ALMS1: variants seen among roughly 807,000 people sequenced by gnomAD.
ALMS1 encodes ALMS1 centrosome and basal body associated protein, also known as centrosome-associated protein ALMS1.
Under a neutral mutation model 352.2 loss-of-function variants are expected in ALMS1, and 271 were observed. That is an observed-to-expected ratio of 0.77 (90% CI 0.70 to 0.85). The LOEUF (loss-of-function observed/expected upper bound fraction) is 0.85, where lower values mean the gene tolerates loss of function less well. Among genes scored for constraint, ALMS1 ranks in the 40% least tolerant of loss-of-function variants. ALMS1 has a pLI of 0.00. For synonymous variants in ALMS1, 1,865 were observed against 1,761.2 expected, an observed-to-expected ratio of 1.06 and a Z score of -1.48; for missense variants, 5,445 against 4,870.7, an observed-to-expected ratio of 1.12 and a Z score of -3.51.
chr2:73,542,049 G>A (rs1334151118), intron 12 of ALMS1, among the ~76,000 whole-genome samples: 2 of 152,124 alleles, frequency 1.3e-5, no homozygotes, highest in Non-Finnish European at 2.9e-5. Flanking sequence ...ACCAAAGCCT[G>A]GCAGAGACAC....
chr2:73,401,301 T>A (rs951433738), intron 1 of ALMS1, among the ~76,000 whole-genome samples: 1 of 152,208 alleles, frequency 6.6e-6, no homozygotes, highest in South Asian at 2.1e-4. Context: ...CTTTTTCTAG[T>A]TTCCTAAGTT....
chr2:73,548,403 T>C (rs1279838285), intron 12 of ALMS1, among the ~76,000 whole-genome samples: 3 of 152,196 alleles, frequency 2.0e-5, no homozygotes, highest in Non-Finnish European at 4.4e-5. Context: ...CACACATGTG[T>C]GGCTGCACTC....
intron 1 of ALMS1, among the ~76,000 whole-genome samples, chr2:73,397,321 G>A (rs1325272803): frequency 6.6e-6 from 1 of 151,798 alleles, no homozygotes; most frequent in Non-Finnish European, 1.5e-5. Flanking sequence ...TGGAACAATA[G>A]TTTGCCCTTC....
At position 73,559,063 on chromosome 2, in the gene ALMS1, A is replaced by T; in HGVS notation, c.10305A>T (p.Lys3435Asn). ...NLPDTKAITQKEEIHRKKTVP... is the reference protein window; with the variant it reads ...NLPDTKAITQNEEIHRKKTVP... The stretch of plus-strand genomic sequence containing the variant: ...CAGACACTAAAGCCATTACACAGAA[A>T]GAGGAGATCCATAGGAAGAAGACAG... Residue 3435 changes from lysine (K) to asparagine (N), a missense_variant, in exon 15 of 23, where the codon AAA becomes AAT. By Grantham distance (94) the Lys-to-Asn change is moderately conservative (BLOSUM62 0). Transcript: ENST00000613296. 1 of 1,614,100 alleles carries T rather than the reference A, an allele frequency of 6.2e-7. No homozygotes were observed. The highest frequency in any genetic ancestry group is 8.5e-7 in the Non-Finnish European group (1 of 1,179,986).
intron 12 of ALMS1, 102 bp from the exon 13 acceptor site, chr2:73,550,165 T>C (rs1223875438): frequency 1.6e-6 from 2 of 1,284,454 alleles, no homozygotes; most frequent in Non-Finnish European, 1.1e-6. Flanking sequence ...TGGCCTGTAG[T>C]GCTTTTTTCA....
At chr2:73,608,321 G>T (rs1321824551) in intron 21 of ALMS1, among the ~76,000 whole-genome samples, 154 bp from the exon 22 acceptor site, 2 of 152,136 alleles carry the variant, frequency 1.3e-5, no homozygotes, top group East Asian at 3.9e-4. Flanking sequence ...AGGGTTTTCT[G>T]TGCTGGAGTA....
intron 9 of ALMS1, chr2:73,470,312 A>C (rs1672441537): frequency 6.6e-6 from 1 of 151,710 alleles, no homozygotes; most frequent in Admixed American, 6.6e-5. Flanking sequence ...TCCTTTAAAA[A>C]TAGGCAATTA....
chr2:73,474,371 C>CTGTGTGTGTGTGTGTGTG (rs377039331), intron 9 of ALMS1, among the ~76,000 whole-genome samples: 2 of 95,464 alleles, frequency 2.1e-5, no homozygotes, highest in African/African-American at 6.8e-5. Context: ...CTTGTTGACT[C>CTGTGTGTGTGTGTGTGTG]TGTGTGTGTG....
chr2:73,490,091 T>A lies in ALMS1; in HGVS notation c.8132T>A (p.Phe2711Tyr). The change falls in exon 10 of 23, where the codon TTT becomes TAT. Residue 2711 changes from phenylalanine (F) to tyrosine (Y), a missense_variant. Physicochemically the swap from Phe to Tyr is conservative, Grantham distance 22. Coordinates refer to ENST00000613296, the MANE Select transcript of ALMS1 (RefSeq NM_001378454.1). ...CCGTCCCCAGAACCCATGAAAAAGT[T>A]TACTACCTCCATCACTTTTTCATCT... ...QMPSPEPMKKFTTSITFSSHR... is the reference protein window; with the variant it reads ...QMPSPEPMKKYTTSITFSSHR... 1 of 1,614,178 alleles carries A rather than the reference T, an allele frequency of 6.2e-7. No homozygotes were observed. The highest frequency in any genetic ancestry group is 2.2e-5 in the East Asian group (1 of 44,886).
chr2:73,567,305 G>A (rs1432372376), intron 15 of ALMS1, among the ~76,000 whole-genome samples: 1 of 152,138 alleles, frequency 6.6e-6, no homozygotes, highest in East Asian at 1.9e-4. Flanking sequence ...TTGAATAACA[G>A]ACCCTCCTTG....
At chr2:73,488,477 G>T (rs906927878) in intron 9 of ALMS1, among the ~76,000 whole-genome samples, 1 of 152,210 alleles carries the variant, frequency 6.6e-6, no homozygotes, top group African/African-American at 2.4e-5. Flanking sequence ...ATCCCCGAAA[G>T]TGCAGTGGTG....
rs746774181 is a variant in ALMS1, at chr2:73,451,981, A to C, written c.5454A>C (p.Arg1818=). ...AGAAGCCCATTGTTTCCTACCAGCG[A>C]GAGTTGCCGCATTTTACTGAAGCAG... ...HREKPIVSYQ[R]ELPHFTEAGL... is the part of the protein sequence containing the mutation. Residue 1818 remains arginine, a synonymous_variant, in exon 8 of 23, where the codon CGA becomes CGC. Coordinates refer to ENST00000613296, the MANE Select transcript of ALMS1 (RefSeq NM_001378454.1). The C allele has an allele frequency of 2.5e-6, 4 of 1,612,580 alleles. No individual in the cohort carries two copies. The African/African-American group carries it at 5.4e-5, about 22-fold the overall frequency.
chr2:73,609,808 G>C lies in ALMS1; in HGVS notation c.*196G>C. ...GTTTGGGAGCAATACTTTCTGCATAGTGGCCTTGTCCAATGGCCTGTGTGT... is the reference window on the plus strand; with the variant it reads ...GTTTGGGAGCAATACTTTCTGCATACTGGCCTTGTCCAATGGCCTGTGTGT... On this transcript the variant is annotated 3_prime_UTR_variant, in exon 23 of 23. Transcript: ENST00000613296. The C allele has an allele frequency of 1.7e-6, 1 of 602,314 alleles. No individual in the cohort carries two copies. The highest frequency in any genetic ancestry group is 2.7e-5 in the Admixed American group (1 of 37,122). The allele number at this position is 602,314 out of a possible 1,614,324, so 37.3% of individuals were successfully genotyped here. A position where few individuals can be genotyped will look rare whatever the true frequency, so the allele number is the denominator to read the frequency against.
At chr2:73,445,897 C>T (rs1415070985) in intron 7 of ALMS1, among the ~76,000 whole-genome samples, 1 of 152,144 alleles carries the variant, frequency 6.6e-6, no homozygotes, top group African/African-American at 2.4e-5. Context: ...ATTGTTAACA[C>T]TCACACTTAG....
chr2:73,492,900 G>A (rs1210136268), intron 10 of ALMS1, among the ~76,000 whole-genome samples: 1 of 151,800 alleles, frequency 6.6e-6, no homozygotes, highest in African/African-American at 2.4e-5. Flanking sequence ...ACCATGCCTG[G>A]CTAATTTTTG....
At chr2:73,409,327 G>A (rs768120272) in intron 2 of ALMS1, among the ~76,000 whole-genome samples, 1 of 151,776 alleles carries the variant, frequency 6.6e-6, no homozygotes, top group Non-Finnish European at 1.5e-5. Flanking sequence ...TTACTGGGCT[G>A]GTCTCTCATT....
chr2:73,605,666 A>G (rs1440968105), intron 21 of ALMS1, among the ~76,000 whole-genome samples: 1 of 152,084 alleles, frequency 6.6e-6, no homozygotes, highest in Non-Finnish European at 1.5e-5. Context: ...CAACATGGTG[A>G]AAGACTTCTC....
chr2:73,467,464 T>C (rs1371615340), intron 9 of ALMS1, among the ~76,000 whole-genome samples: 1 of 152,096 alleles, frequency 6.6e-6, no homozygotes, highest in Non-Finnish European at 1.5e-5. Flanking sequence ...TAAATATTGG[T>C]AAAGTTATGA....
chr2:73,409,927 A>C (rs1041105282), intron 2 of ALMS1, among the ~76,000 whole-genome samples: 2 of 152,182 alleles, frequency 1.3e-5, no homozygotes, highest in South Asian at 2.1e-4. Flanking sequence ...CTGAATCTGC[A>C]GGTAGAATAC....
Sources: allele counts gnomAD v4.1 joint callset (sites outside exome capture counted in the v4.1 genomes callset), GRCh38; gene constraint gnomAD v4.1.1; transcripts MANE v1.5; gene names NCBI Gene and HGNC (gene_info 2026-07-23, HGNC 2026-07-21).